PAPOLG: variants seen among roughly 807,000 people sequenced by gnomAD.
PAPOLG encodes poly(A) polymerase gamma, also known as PAP-gamma.
Under a neutral mutation model 99.0 loss-of-function variants are expected in PAPOLG, and 40 were observed. The ratio of observed to expected loss-of-function variants is 0.40; its 90% confidence interval spans 0.31 to 0.53. The LOEUF is 0.53. PAPOLG is among the 20% of genes least tolerant of loss of function. The pLI is 0.41. For synonymous variants in PAPOLG, 310 were observed against 299.3 expected, an observed-to-expected ratio of 1.04 and a Z score of -0.37; for missense variants, 675 against 884.1, an observed-to-expected ratio of 0.76 and a Z score of 3.00.
rs1671821850 is a variant in PAPOLG at position 60,800,849 on chromosome 2, A to G, written c.*3689A>G. On this transcript the variant is annotated 3_prime_UTR_variant, in exon 22 of 22. Coordinates refer to ENST00000238714, the MANE Select transcript of PAPOLG (RefSeq NM_022894.4). ...ATCCTGGAATATTATATAATTTTCT[A>G]CTTTTGATTTTGCTGTGGTATATTT... is the stretch of plus-strand genomic sequence containing the variant. The G allele has an allele frequency of 6.6e-6, 1 of 152,282 alleles. No individual in the cohort carries two copies. 9.4% of individuals were successfully genotyped at this position (152,282 alleles called of 1,614,324 possible).
chr2:60,777,540 A>G (rs1007767910), intron 8 of PAPOLG, among the ~76,000 whole-genome samples: 2 of 152,180 alleles, frequency 1.3e-5, no homozygotes, highest in African/African-American at 4.8e-5. Flanking sequence ...TAGCACTTGT[A>G]ATTTCTGTCA....
At chr2:60,774,155 C>T (rs1172297734) in intron 7 of PAPOLG, among the ~76,000 whole-genome samples, 1 of 151,718 alleles carries the variant, frequency 6.6e-6, no homozygotes, top group Non-Finnish European at 1.5e-5. Context: ...AGTGCAGTGG[C>T]GCGATCTCGG....
intron 17 of PAPOLG, among the ~76,000 whole-genome samples, chr2:60,792,741 AC>A (rs1229843226): frequency 3.9e-5 from 6 of 152,138 alleles, no homozygotes; most frequent in African/African-American, 9.7e-5. Flanking sequence ...ACAAAAAAAT[AC>A]AAAAATTAAT....
At position 60,758,802 on chromosome 2, in the gene PAPOLG, A is replaced by G. The variant is rs193162779; in HGVS notation, c.18-1332A>G. On this transcript the variant is annotated intron_variant, in intron 1 of 21. Transcript: ENST00000238714. ...GTAGTGGTAAGACAGTGTTTTGACC[A>G]GTTAGAATCCAAAAACAATTAAACA... 2.6e-5 allele frequency among the ~76,000 whole-genome samples: 4 copies of G among 152,310 alleles called. No individual in the cohort carries two copies. The East Asian group carries it at 5.8e-4, about 22-fold the overall frequency.
chr2:60,775,133 C>G lies in PAPOLG; in HGVS notation c.694+10C>G, dbSNP rs928276694. 9.4e-6 allele frequency: 15 copies of G among 1,599,716 alleles called. No homozygotes were observed. Among genetic ancestry groups the G allele is most frequent in the Non-Finnish European group, 1.3e-5 (15 of 1,176,496 alleles). On this transcript the variant is annotated intron_variant, in intron 8 of 21. Transcript: ENST00000238714. ...AAATTATGGGCAAAACGTAAGTATC[C>G]CTAGTCTTTTATGTTTGCATTATAA...
At chr2:60,785,070 T>TTGCAGAAATC (rs1472054502) in intron 13 of PAPOLG, among the ~76,000 whole-genome samples, 3 of 152,224 alleles carry the variant, frequency 2.0e-5, no homozygotes, top group African/African-American at 7.2e-5. Context: ...AGAAATAAAA[T>TTGCAGAAATC]TGCAGAAATC....
In PAPOLG at chr2:60,783,176, C is replaced by T. The variant is rs762322718; in HGVS notation, c.1133C>T (p.Ala378Val). 30 of 1,591,984 alleles carry T rather than the reference C, an allele frequency of 1.9e-5. 1 individual carries two copies. Among genetic ancestry groups the T allele is most frequent in the Non-Finnish European group, 2.6e-5 (30 of 1,170,434 alleles). The part of the protein sequence containing the change: ...QKYRHYIVLT[A>V]SASTEENHLE... Reference sequence around the variant, plus strand: ...TTCAGACATTATATAGTATTGACTGCCAGCGCATCAACAGAAGAAAACCAT... The same window carrying T: ...TTCAGACATTATATAGTATTGACTGTCAGCGCATCAACAGAAGAAAACCAT... The change falls in exon 13 of 22, where the codon GCC (alanine) becomes GTC (valine). Residue 378 changes from alanine to valine, a missense_variant. Around this residue, in one of 3 missense-constraint regions of PAPOLG, gnomAD observed 413 missense variants for 460.5 expected, o/e 0.90. Coordinates refer to ENST00000238714, the MANE Select transcript of PAPOLG (RefSeq NM_022894.4).
At chr2:60,776,323 G>A (rs920150189) in intron 8 of PAPOLG, among the ~76,000 whole-genome samples, 10 of 151,880 alleles carry the variant, frequency 6.6e-5, no homozygotes, top group Non-Finnish European at 1.3e-4. Context: ...CTGTCATCTA[G>A]GCTTTGTTGT....
rs140911638 is a variant in PAPOLG at position 60,783,769 on chromosome 2, T to C, written c.1166+560T>C. Among the ~76,000 whole-genome samples the C allele has an allele frequency of 7.2e-5, 11 of 152,022 alleles. No individual in the cohort carries two copies. In the East Asian group the frequency reaches 2.1e-3, roughly 30 times the overall value. Reference sequence around the variant, plus strand: ...CCTCAAGTGATCCGTAAAATTATTATATCTTACTGGTGATTGTTGTGCATG... The same window carrying C: ...CCTCAAGTGATCCGTAAAATTATTACATCTTACTGGTGATTGTTGTGCATG... On this transcript the variant is annotated intron_variant, in intron 13 of 21. Coordinates refer to ENST00000238714, the MANE Select transcript of PAPOLG (RefSeq NM_022894.4).
At chr2:60,783,104 C>T (rs1573243276) in intron 12 of PAPOLG, 52 bp from the exon 13 acceptor site, 1 of 1,471,478 alleles carries the variant, frequency 6.8e-7, no homozygotes, top group Non-Finnish European at 9.1e-7. Context: ...AAAAAGCAGG[C>T]TGTAACAATT....
chr2:60,777,333 G>A (rs1671050843), intron 8 of PAPOLG, among the ~76,000 whole-genome samples: 1 of 152,122 alleles, frequency 6.6e-6, no homozygotes, highest in South Asian at 2.1e-4. Flanking sequence ...GCACGTGCCT[G>A]TAATCCCAGC....
Position 60,793,734 on chromosome 2 carries a change from A to G in PAPOLG, c.1768+19A>G, listed in dbSNP as rs746424982. The stretch of plus-strand genomic sequence containing the variant: ...GGCGCAAGTAGGTATCTAAACTTGT[A>G]TATATTAATAATTATATTTACAAAA... On this transcript the variant is annotated intron_variant, in intron 18 of 21. Coordinates refer to ENST00000238714, the MANE Select transcript of PAPOLG (RefSeq NM_022894.4). 1 of 1,595,560 alleles carries G rather than the reference A, an allele frequency of 6.3e-7. No homozygotes were observed. The highest frequency in any genetic ancestry group is 1.1e-5 in the South Asian group (1 of 88,360).
chr2:60,767,799 A>G (rs1275042925), intron 3 of PAPOLG, among the ~76,000 whole-genome samples: 1 of 152,238 alleles, frequency 6.6e-6, no homozygotes, highest in African/African-American at 2.4e-5. Flanking sequence ...GAGAGGTGAA[A>G]GCACATTAGT....
chr2:60,780,815 T>G, intron 10 of PAPOLG, 36 bp downstream of exon 10: 1 of 1,503,576 alleles, frequency 6.7e-7, no homozygotes, highest in Non-Finnish European at 9.3e-7. Context: ...TTAAAGCTTT[T>G]AAGGAAGAGG....
intron 11 of PAPOLG, among the ~76,000 whole-genome samples, chr2:60,782,444 C>T (rs940055829): frequency 2.6e-5 from 4 of 151,856 alleles, no homozygotes; most frequent in Non-Finnish European, 4.4e-5. Context: ...GTAATCCCAG[C>T]TACTCAGGAG....
At position 60,758,328 on chromosome 2, in the gene PAPOLG, G is replaced by GTT. The variant is rs61243299; in HGVS notation, c.18-1784_18-1783dup. On this transcript the variant is annotated intron_variant, in intron 1 of 21. Coordinates refer to ENST00000238714, the MANE Select transcript of PAPOLG (RefSeq NM_022894.4). ...ATTAACCAGTATTTTGGTTTCTGGG[G>GTT]TTTTTTTTTTTTTTTTTTTTTTTGA... Among the ~76,000 whole-genome samples the GTT allele has an allele frequency of 1.1e-3, 80 of 71,344 alleles. 1 individual carries two copies. The highest frequency in any genetic ancestry group is 2.3e-3 in the African/African-American group (41 of 17,492). The allele number at this position is 71,344 out of a possible 152,430, so 46.8% of individuals were successfully genotyped here.
rs1419010555 is a variant in PAPOLG, at chr2:60,756,738, C to T, written c.17+243C>T. ...CAGCTGTCCCGCCTCCGAGGACGCC[C>T]TCAGAAAAGGATGAGGAGGGAAAGA... On this transcript the variant is annotated intron_variant, in intron 1 of 21. Transcript: ENST00000238714. Among the ~76,000 whole-genome samples, 3 of 152,160 alleles carry T rather than the reference C, an allele frequency of 2.0e-5. No homozygotes were observed. In the East Asian group the frequency reaches 5.8e-4, roughly 29 times the overall value.
chr2:60,756,567 T>C (rs1670347141), intron 1 of PAPOLG, 72 bp downstream of exon 1: 10 of 1,486,860 alleles, frequency 6.7e-6, no homozygotes, highest in Non-Finnish European at 3.6e-6. Context: ...TGTGTCCTTG[T>C]TTCCGTTCCC....
chr2:60,766,124 T>C (rs1402031874), intron 3 of PAPOLG, among the ~76,000 whole-genome samples: 3 of 152,180 alleles, frequency 2.0e-5, no homozygotes, highest in African/African-American at 7.2e-5. Flanking sequence ...TACTGGGCAT[T>C]GTGAGAAAAT....
Sources: allele counts gnomAD v4.1 joint callset (sites outside exome capture counted in the v4.1 genomes callset), GRCh38; gene constraint gnomAD v4.1.1; regional missense constraint gnomAD v4.1.1; transcripts MANE v1.5; gene names NCBI Gene and HGNC (gene_info 2026-07-23, HGNC 2026-07-21).